The following UBR2 variants were observed in gnomAD, a reference collection of about 807,000 sequenced individuals.
The protein encoded by UBR2 is ubiquitin protein ligase E3 component n-recognin 2, also known as E3 ubiquitin-protein ligase UBR2.
UBR2 carries 92 observed loss-of-function variants against 247.9 expected under a neutral mutation model. That is an observed-to-expected ratio of 0.37 (90% CI 0.31 to 0.44). The LOEUF is 0.44. UBR2 is among the 20% of genes least tolerant of loss of function. The probability of loss-of-function intolerance (pLI) is 1.00; values close to 1 mark genes in which losing one functional copy is unlikely to be tolerated. For missense variants in UBR2, 1,613 were observed against 2,112.6 expected (o/e 0.76, Z 4.64); for synonymous variants, 672 against 693.5 (o/e 0.97, Z 0.49).
At chr6:42,585,496 A>G (rs776001496) in intron 2 of UBR2, among the ~76,000 whole-genome samples, 6 of 152,318 alleles carry the variant, frequency 3.9e-5, no homozygotes, top group Non-Finnish European at 8.8e-5. Flanking sequence ...GGAAGTATTT[A>G]TGTAAAATTG....
Position 42,632,716 on chromosome 6 carries a change from G to A in UBR2, c.1445+1G>A. The stretch of plus-strand genomic sequence containing the variant: ...TACAGAGCCTTATTTTAGATCTCAA[G>A]TAAGTTTTCATTTAATTATTAAACC... On this transcript the variant is annotated splice_donor_variant, in intron 12 of 46. Coordinates refer to ENST00000372901, the MANE Select transcript of UBR2 (RefSeq NM_001363705.2). LOFTEE classifies it high-confidence loss of function. 6.3e-7 allele frequency: 1 copy of A among 1,590,068 alleles called. No homozygotes were observed. The highest frequency in any genetic ancestry group is 8.5e-7 in the Non-Finnish European group (1 of 1,171,786).
chr6:42,574,393 C>T (rs965025548), intron 2 of UBR2, among the ~76,000 whole-genome samples: 5 of 152,182 alleles, frequency 3.3e-5, no homozygotes, highest in African/African-American at 1.2e-4. Flanking sequence ...TTTGTGGGTG[C>T]TTCTTTCCTT....
intron 11 of UBR2, among the ~76,000 whole-genome samples, chr6:42,621,793 G>C (rs556404393): frequency 1.7e-4 from 26 of 152,122 alleles, no homozygotes; most frequent in African/African-American, 5.8e-4. Context: ...TTGTATTTCT[G>C]TATGAATTTA....
chr6:42,691,430 C>T lies in UBR2; in HGVS notation c.*257C>T, dbSNP rs1799744546. Reference sequence around the variant, plus strand: ...GAGCTTCTCTTCCTAGATTGGATCCCAGCCCCTTTGTGGGGGTCTGACTGC... The same window carrying T: ...GAGCTTCTCTTCCTAGATTGGATCCTAGCCCCTTTGTGGGGGTCTGACTGC... On this transcript the variant is annotated 3_prime_UTR_variant, in exon 47 of 47. Transcript: ENST00000372901. 2.1e-6 allele frequency: 1 copy of T among 474,664 alleles called. No individual in the cohort carries two copies. The highest frequency in any genetic ancestry group is 4.3e-5 in the East Asian group (1 of 23,404). 29.4% of individuals were successfully genotyped at this position (474,664 alleles called of 1,614,324 possible).
chr6:42,685,968 C>T (rs1386846402), intron 44 of UBR2, among the ~76,000 whole-genome samples: 3 of 152,134 alleles, frequency 2.0e-5, no homozygotes, highest in Admixed American at 6.5e-5. Flanking sequence ...GCCTCTTTCT[C>T]CTCCCTCTGA....
In UBR2 at chr6:42,607,900, A is replaced by C. The variant is rs995553427; in HGVS notation, c.864+1249A>C. Among the ~76,000 whole-genome samples the C allele has an allele frequency of 1.3e-5, 2 of 152,072 alleles. 1 individual carries two copies. Among genetic ancestry groups the C allele is most frequent in the South Asian group, 4.1e-4 (2 of 4,824 alleles). On this transcript the variant is annotated intron_variant, in intron 7 of 46. Coordinates refer to ENST00000372901, the MANE Select transcript of UBR2 (RefSeq NM_001363705.2). ...CATTATGTAACAAGATACATATTGA[A>C]TGTATTACACTGCAGCTTGCCTTTT...
intron 34 of UBR2, 86 bp from the exon 35 acceptor site, chr6:42,670,006 A>G (rs1215124830): frequency 8.8e-6 from 13 of 1,477,826 alleles, no homozygotes; most frequent in African/African-American, 5.6e-5. Flanking sequence ...TTCAATTTCA[A>G]TATAGCAAAG....
chr6:42,678,768 C>T, intron 41 of UBR2, 99 bp downstream of exon 41: 4 of 1,347,388 alleles, frequency 3.0e-6, no homozygotes, highest in African/African-American at 1.5e-5. Flanking sequence ...ACTAAAAGTT[C>T]AAAGAATAGC....
At chr6:42,652,120 A>C (rs1797155005) in intron 24 of UBR2, 49 bp downstream of exon 24, 2 of 1,517,120 alleles carry the variant, frequency 1.3e-6, no homozygotes, top group Non-Finnish European at 1.8e-6. Context: ...TTTGCTTGTT[A>C]AACATTGTTT....
chr6:42,570,166 A>G (rs183073945), intron 1 of UBR2, among the ~76,000 whole-genome samples: 1 of 152,348 alleles, frequency 6.6e-6, no homozygotes, highest in Admixed American at 6.5e-5. Flanking sequence ...TGTATGTTTA[A>G]TCAGCTTAAA....
chr6:42,653,620 T>G lies in UBR2; in HGVS notation c.2769+975T>G, dbSNP rs912412232. On this transcript the variant is annotated intron_variant, in intron 25 of 46. Coordinates refer to ENST00000372901, the MANE Select transcript of UBR2 (RefSeq NM_001363705.2). ...CATGCTAAGCCCTTTTTTTTTTTTT[T>G]TTTTTTTTTTTTTTGAGACAGTTTT... Among the ~76,000 whole-genome samples, 1,011 of 136,624 alleles carry G rather than the reference T, an allele frequency of 7.4e-3. 9 individuals are homozygous for G. The highest frequency in any genetic ancestry group is 0.026 in the African/African-American group (924 of 35,806). 89.6% of individuals were successfully genotyped at this position (136,624 alleles called of 152,430 possible). A position where few individuals can be genotyped will look rare whatever the true frequency, so the allele number is the denominator to read the frequency against.
At position 42,691,367 on chromosome 6, in the gene UBR2, C is replaced by T. The variant is rs146426420; in HGVS notation, c.*194C>T. 2.2e-4 allele frequency: 153 copies of T among 691,724 alleles called. No individual in the cohort carries two copies. The East Asian group carries it at 4.4e-3, about 20-fold the overall frequency. 42.8% of individuals were successfully genotyped at this position (691,724 alleles called of 1,614,324 possible). A position where few individuals can be genotyped will look rare whatever the true frequency, so the allele number is the denominator to read the frequency against. On this transcript the variant is annotated 3_prime_UTR_variant, in exon 47 of 47. Coordinates refer to ENST00000372901, the MANE Select transcript of UBR2 (RefSeq NM_001363705.2). ...ATTTTCTTGCACTGTTTGCTGTGCC[C>T]CTCAAATATAATGTCTTGGGTTTTA...
intron 28 of UBR2, 122 bp downstream of exon 28, chr6:42,658,442 A>G: frequency 9.0e-7 from 1 of 1,117,082 alleles, no homozygotes; most frequent in Non-Finnish European, 1.3e-6. Flanking sequence ...GAAATATGCC[A>G]CTATTTATCT....
At chr6:42,574,055 G>T in intron 2 of UBR2, 62 bp downstream of exon 2, 2 of 1,427,664 alleles carry the variant, frequency 1.4e-6, no homozygotes, top group Non-Finnish European at 9.2e-7. Context: ...TTTTTTCCCT[G>T]GAACTTTTGA....
In UBR2 at chr6:42,635,365, TA is replaced by T. The variant is rs1582604508; in HGVS notation, c.1546-49del. ...CTACATTACTTCTTAGGTTTCCATA[TA>T]AAAGAACAACTATTATTTTCATTCA... On this transcript the variant is annotated intron_variant, in intron 13 of 46. Transcript: ENST00000372901. 9 of 1,553,274 alleles carry T rather than the reference TA, an allele frequency of 5.8e-6. No individual in the cohort carries two copies. The East Asian group carries it at 2.1e-4, about 36-fold the overall frequency.
intron 36 of UBR2, among the ~76,000 whole-genome samples, chr6:42,672,848 G>A (rs1377885107): frequency 2.0e-5 from 3 of 152,076 alleles, no homozygotes; most frequent in Admixed American, 2.0e-4. Flanking sequence ...GAGAGCAGGA[G>A]GGGGAGAATG....
intron 31 of UBR2, 109 bp downstream of exon 31, chr6:42,662,386 A>C: frequency 1.5e-6 from 1 of 688,512 alleles, no homozygotes; most frequent in Non-Finnish European, 2.4e-6. Context: ...AAAAATGTTG[A>C]AAAAATCCGT....
chr6:42,574,772 T>G (rs1239011206), intron 2 of UBR2, among the ~76,000 whole-genome samples: 1 of 151,822 alleles, frequency 6.6e-6, no homozygotes. Flanking sequence ...CTCGGCTCAC[T>G]GCAACCTCCA....
intron 2 of UBR2, among the ~76,000 whole-genome samples, chr6:42,578,243 C>T (rs961019250): frequency 2.6e-5 from 4 of 151,796 alleles, no homozygotes; most frequent in Admixed American, 2.6e-4. Flanking sequence ...TTTTTGACAC[C>T]ATCTTATGTT....
Sources: gnomAD v4.1 joint callset for allele counts (sites outside exome capture counted in the v4.1 genomes callset) on GRCh38, gnomAD v4.1.1 for gene constraint, MANE v1.5 for transcripts, NCBI Gene and HGNC (gene_info 2026-07-23, HGNC 2026-07-21) for gene names.